Variants in RIF1 observed in about 807,000 individuals in gnomAD.
RIF1 encodes telomere-associated protein RIF1.
In RIF1, 45 loss-of-function variants were observed where a neutral mutation model predicts 247.1. The ratio of observed to expected loss-of-function variants is 0.18; its 90% CI spans 0.14 to 0.23. RIF1 has a LOEUF of 0.23. Ranked by LOEUF, RIF1 falls within the 10% of genes least tolerant of loss-of-function variation. RIF1 has a pLI of 1.00. For missense variants in RIF1, 2,967 were observed against 2,862.5 expected, an observed-to-expected ratio of 1.04 and a Z score of -0.83; for synonymous variants, 1,087 against 978.8, an observed-to-expected ratio of 1.11 and a Z score of -2.06.
Position 151,457,791 on chromosome 2 carries a change from T to A in RIF1, c.2683T>A (p.Cys895Ser), listed in dbSNP as rs1369712474. ...LEKLLGEIIA[C>S]LQFSYTGTYD... ...AAAGCTACTGGGAGAAATTATTGCTTGTCTGCAATTCAGCTACACCGGAAC... is the reference window on the plus strand; with the variant it reads ...AAAGCTACTGGGAGAAATTATTGCTAGTCTGCAATTCAGCTACACCGGAAC... Residue 895 changes from cysteine (C) to serine (S), a missense_variant, in exon 24 of 36, where the codon TGT becomes AGT. This residue lies in a region of RIF1 where 2,028 missense variants were observed against 1,825.6 expected (regional missense o/e 1.11). Transcript: ENST00000444746. 1 of 1,613,874 alleles carries A rather than the reference T, an allele frequency of 6.2e-7. No individual in the cohort carries two copies. The highest frequency in any genetic ancestry group is 1.1e-5 in the South Asian group (1 of 91,080).
the RIF1 span, among the ~76,000 whole-genome samples, chr2:151,513,157 T>C: frequency 6.6e-6 from 1 of 152,130 alleles, no homozygotes; most frequent in Non-Finnish European, 1.5e-5. Context: ...AAAAGACCCA[T>C]ACCAATGAGC....
In RIF1 at chr2:151,442,694, TA is replaced by T. The variant is rs1692546377; in HGVS notation, c.1735-564del. 2.6e-5 allele frequency among the ~76,000 whole-genome samples: 4 copies of T among 152,072 alleles called. No homozygotes were observed. In the South Asian group the frequency reaches 8.3e-4, roughly 32 times the overall value. On this transcript the variant is annotated intron_variant, in intron 16 of 35. Coordinates refer to ENST00000444746, the MANE Select transcript of RIF1 (RefSeq NM_018151.5). ...GTAAGTTTTAAATCTATGTTCTTTT[TA>T]TATCTGGAATCTCATAATTCCTTGA...
chr2:151,485,986 T>G (rs970272286), downstream of RIF1: 14 of 1,548,384 alleles, frequency 9.0e-6, no homozygotes, highest in Non-Finnish European at 1.2e-5. Flanking sequence ...TTGCAACAGT[T>G]AACACACATC....
rs184287699 is a variant in RIF1, at chr2:151,492,548, A to G, written c.*416-2681A>G. On this transcript the variant is annotated intron_variant and NMD_transcript_variant, in intron 9 of 13. Coordinates refer to the RIF1 transcript ENST00000454583. ...GTGCTGTCCTAAATCTGAAACCTCA[A>G]AGCCTTTCCAGCAGATAGAGATGGA... 57 of 1,335,386 alleles carry G rather than the reference A, an allele frequency of 4.3e-5. No individual in the cohort carries two copies. The African/African-American group carries it at 6.7e-4, about 16-fold the overall frequency. The allele number at this position is 1,335,386 out of a possible 1,614,324, so 82.7% of individuals were successfully genotyped here.
At chr2:151,442,098 G>A (rs1025903906) in intron 16 of RIF1, 107 bp downstream of exon 16, 5 of 72,400 alleles carry the variant, frequency 6.9e-5, no homozygotes, top group Non-Finnish European at 4.7e-5. Context: ...TTTTTGAGAC[G>A]GAGTTTTGCT....
At chr2:151,516,015 G>A in the RIF1 span, among the ~76,000 whole-genome samples, 28 of 152,042 alleles carry the variant, frequency 1.8e-4, no homozygotes, top group Non-Finnish European at 1.0e-4. Flanking sequence ...CTAAAATAAC[G>A]AATATGGCAT....
intron 34 of RIF1, among the ~76,000 whole-genome samples, chr2:151,473,102 A>G (rs569960257): frequency 6.6e-6 from 1 of 152,224 alleles, no homozygotes; most frequent in Non-Finnish European, 1.5e-5. Flanking sequence ...GCTATTACGA[A>G]TAATGCTGCT....
intron 9 of RIF1, among the ~76,000 whole-genome samples, chr2:151,432,044 T>C (rs1690248441): frequency 6.6e-6 from 1 of 152,168 alleles, no homozygotes; most frequent in Admixed American, 6.6e-5. Flanking sequence ...AGTCTCACTC[T>C]GTCACCCAGC....
chr2:151,461,065 GGA>G, intron 26 of RIF1, 71 bp from the exon 27 acceptor site: 1 of 1,351,824 alleles, frequency 7.4e-7, no homozygotes, highest in Non-Finnish European at 1.0e-6. Context: ...CATTATTAGA[GGA>G]GAGTGATAGA....
chr2:151,456,869 A>T (rs1455296477), intron 23 of RIF1, among the ~76,000 whole-genome samples: 1 of 151,776 alleles, frequency 6.6e-6, no homozygotes, highest in African/African-American at 2.4e-5. Context: ...AGTAGCTGGG[A>T]GTACAGGCAC....
intron 21 of RIF1, among the ~76,000 whole-genome samples, chr2:151,454,683 C>T (rs928573394): frequency 3.3e-5 from 5 of 152,060 alleles, no homozygotes; most frequent in Admixed American, 6.6e-5. Context: ...AAGTAGTTTT[C>T]GTCTCCCATT....
chr2:151,512,625 T>G (rs2075412628), downstream of RIF1: 1 of 872,688 alleles, frequency 1.1e-6, no homozygotes, highest in South Asian at 1.5e-5. Flanking sequence ...ATCTCTTTTT[T>G]ATTGGGAAAA....
chr2:151,467,171 G>C (rs150114137), intron 30 of RIF1, among the ~76,000 whole-genome samples: 4,529 of 152,192 alleles, frequency 0.03, 121 homozygotes, highest in East Asian at 0.14. Flanking sequence ...AGAGGTCGCA[G>C]TGAGCTGAGA....
chr2:151,531,308 C>CT, the RIF1 span, among the ~76,000 whole-genome samples: 1,171 of 84,044 alleles, frequency 0.014, 56 homozygotes, highest in Middle Eastern at 0.02. Flanking sequence ...TTTTTTCTTT[C>CT]TTTTTTTTTT....
At chr2:151,501,915 A>G (rs750085420) in intron 11 of RIF1, among the ~76,000 whole-genome samples, 2 of 152,262 alleles carry the variant, frequency 1.3e-5, no homozygotes, top group Non-Finnish European at 2.9e-5. Context: ...TTTCAATGAT[A>G]CTGAAAGTTT....
At chr2:151,518,972 G>A in the RIF1 span, 3 of 1,609,448 alleles carry the variant, frequency 1.9e-6, no homozygotes, top group Non-Finnish European at 2.6e-6. Context: ...TACAGAACTG[G>A]CAAGTTGGCT....
intron 8 of RIF1, chr2:151,423,602 A>C (rs1035533705): frequency 6.6e-6 from 1 of 152,622 alleles, no homozygotes; most frequent in Non-Finnish European, 1.5e-5. Flanking sequence ...CAGGTTATAT[A>C]TTGAACAGCT....
chr2:151,414,286 CAAAAAAAA>C (rs67760163), intron 3 of RIF1, among the ~76,000 whole-genome samples: 1 of 145,172 alleles, frequency 6.9e-6, no homozygotes, highest in African/African-American at 2.5e-5. Flanking sequence ...AACTCTGTCT[CAAAAAAAA>C]AAAAAATTTC....
Position 151,462,252 on chromosome 2 carries a change from C to T in RIF1, c.3238C>T (p.Pro1080Ser), listed in dbSNP as rs1331572733. The change falls in exon 28 of 36, where the codon CCT becomes TCT. Residue 1080 changes from proline (P) to serine (S), a missense_variant. Around this residue, in one of 7 missense-constraint regions of RIF1, gnomAD observed 2,028 missense variants for 1,825.6 expected, o/e 1.11. Transcript: ENST00000444746. ...EVLKTKRCDI[P>S]AMYNNLDVSQ... is the part of the protein sequence containing the mutation. Reference sequence around the variant, plus strand: ...TATAGTTTTTTTCAGGTGTGATATTCCTGCCATGTATAATAATCTGGATGT... The same window carrying T: ...TATAGTTTTTTTCAGGTGTGATATTTCTGCCATGTATAATAATCTGGATGT... 5 of 1,575,746 alleles carry T rather than the reference C, an allele frequency of 3.2e-6. No homozygotes were observed. In the South Asian group the frequency reaches 5.9e-5, roughly 19 times the overall value.
Sources: allele counts gnomAD v4.1 joint callset (sites outside exome capture counted in the v4.1 genomes callset), GRCh38; gene constraint gnomAD v4.1.1; regional missense constraint gnomAD v4.1.1; transcripts MANE v1.5; gene names NCBI Gene and HGNC (gene_info 2026-07-23, HGNC 2026-07-21).